TTN: variants seen among roughly 807,000 people sequenced by gnomAD.
The protein encoded by TTN is connectin.
Under a neutral mutation model 3,223.0 loss-of-function variants are expected in TTN, and 1,525 were observed. The observed-to-expected ratio is 0.47, with a 90% confidence interval of 0.45 to 0.49. TTN has a LOEUF of 0.49. Ranked by LOEUF, TTN falls within the 20% of genes least tolerant of loss-of-function variation. The probability of loss-of-function intolerance (pLI) is 0.00; values close to 1 mark genes in which losing one functional copy is unlikely to be tolerated. For missense variants in TTN, 40,786 were observed against 43,424.0 expected, an observed-to-expected ratio of 0.94 and a Z score of 5.40; for synonymous variants, 14,094 against 15,161.0, an observed-to-expected ratio of 0.93 and a Z score of 5.17.
chr2:178,782,166 G>A (rs377585081), intron 20 of TTN, 46 bp downstream of exon 20: 117 of 1,605,274 alleles, frequency 7.3e-5, no homozygotes, highest in Non-Finnish European at 6.4e-5. Context: ...CTTCATGCAC[G>A]TATTATACAA....
rs928844023 is a variant in TTN, at chr2:178,731,438, T to C, written c.17328A>G (p.Ile5776Met). 1.9e-6 allele frequency: 3 copies of C among 1,613,644 alleles called. No homozygotes were observed. The highest frequency in any genetic ancestry group is 2.5e-6 in the Non-Finnish European group (3 of 1,179,802). ...DSDEITEDDNIRMTFENNVAS... is the reference protein window; with the variant it reads ...DSDEITEDDNMRMTFENNVAS... ...CCACATTGTTCTCAAAGGTCATTCT[T>C]ATATTATCGTCTTCAGTGATTTCAT... The change falls in exon 59 of 363, where the codon ATA (isoleucine) becomes ATG (methionine). Residue 5776 changes from isoleucine (I) to methionine (M), a missense_variant. Physicochemically the swap from Ile to Met is conservative, Grantham distance 10. Transcript: ENST00000589042.
At chr2:178,783,391 G>C (rs552412397) in intron 17 of TTN, among the ~76,000 whole-genome samples, 1 of 152,046 alleles carries the variant, frequency 6.6e-6, no homozygotes, top group Non-Finnish European at 1.5e-5. Flanking sequence ...GCTTGTTTGT[G>C]TACATTTTCT....
chr2:178,694,608 C>G lies in TTN; in HGVS notation c.31417G>C (p.Glu10473Gln). 1 of 1,556,214 alleles carries G rather than the reference C, an allele frequency of 6.4e-7. No individual in the cohort carries two copies. The highest frequency in any genetic ancestry group is 8.7e-7 in the Non-Finnish European group (1 of 1,148,772). Reference protein sequence around the residue: ...SRTPVQEEVIEVKVPAVHTKK... With the variant: ...SRTPVQEEVIQVKVPAVHTKK... ...ACACAAAGATGTATACCTTTCACTT[C>G]AATAACTTCTTCCTGTACTGGAGTC... The change falls in exon 117 of 363, where the codon GAA (glutamate) becomes CAA (glutamine). Residue 10473 changes from glutamate to glutamine, a missense_variant. By Grantham distance (29) the Glu-to-Gln change is conservative (BLOSUM62 2). Coordinates refer to ENST00000589042, the MANE Select transcript of TTN (RefSeq NM_001267550.2).
Position 178,688,536 on chromosome 2 carries a change from A to G in TTN, c.32197+141T>C, listed in dbSNP as rs543240680. ...AGACTCAGTCCCAGAAGGCTACAAA[A>G]GGTAGACACATTCTAATACCAACAT... is the stretch of plus-strand genomic sequence containing the variant. On this transcript the variant is annotated intron_variant, in intron 126 of 362. Transcript: ENST00000589042. The G allele has an allele frequency of 1.0e-4, 68 of 676,868 alleles. No homozygotes were observed. In the African/African-American group the frequency reaches 1.2e-3, roughly 12 times the overall value. 41.9% of individuals were successfully genotyped at this position (676,868 alleles called of 1,614,324 possible). A position where few individuals can be genotyped will look rare whatever the true frequency, so the allele number is the denominator to read the frequency against.
Position 178,682,797 on chromosome 2 carries a change from T to C in TTN, c.32994A>G (p.Lys10998=). ...EYEEYEEYDY[K]EFEEYEPTEE... ...CTGTTGGTTCATACTCCTCAAATTC[T>C]TTATAATCATATTCTTCATATTCCT... The change falls in exon 135 of 363, where the codon AAA becomes AAG. Residue 10998 remains lysine, a synonymous_variant. Transcript: ENST00000589042. 1 of 1,613,016 alleles carries C rather than the reference T, an allele frequency of 6.2e-7. No homozygotes were observed. The highest frequency in any genetic ancestry group is 8.5e-7 in the Non-Finnish European group (1 of 1,179,270).
At chr2:178,781,297 TATC>T in intron 20 of TTN, 34 bp from the exon 21 acceptor site, 4 of 1,611,692 alleles carry the variant, frequency 2.5e-6, no homozygotes, top group Non-Finnish European at 3.4e-6. Flanking sequence ...AAAAATCAGT[TATC>T]AACAACTCTT....
intron 47 of TTN, chr2:178,742,795 A>G (rs1349127105): frequency 6.6e-6 from 1 of 152,060 alleles, no homozygotes; most frequent in East Asian, 1.9e-4. Context: ...TTATTGCCTT[A>G]GCAAAAGGCA....
Position 178,568,986 on chromosome 2 carries a change from A to AG in TTN, c.77145dup (p.Ser25716LeufsTer8), listed in dbSNP as rs1205409465. 2 of 1,613,292 alleles carry AG rather than the reference A, an allele frequency of 1.2e-6. No homozygotes were observed. Among genetic ancestry groups the AG allele is most frequent in the Non-Finnish European group, 1.7e-6 (2 of 1,179,552 alleles). ...TGTTCAGGTTTTGTCCAACTCAGAG[A>AG]GACACTGTTTCTGGTGACATCATCC... On this transcript the variant is annotated frameshift_variant, in exon 326 of 363. Coordinates refer to ENST00000589042, the MANE Select transcript of TTN (RefSeq NM_001267550.2). LOFTEE classifies it high-confidence loss of function.
At position 178,611,741 on chromosome 2, in the gene TTN, T is replaced by A. The variant is rs2056368086; in HGVS notation, c.50551+17A>T. 3.1e-6 allele frequency: 5 copies of A among 1,611,282 alleles called. No individual in the cohort carries two copies. The highest frequency in any genetic ancestry group is 4.2e-6 in the Non-Finnish European group (5 of 1,178,654). ...CAAGTTCTAGACAATATCTTGTGTA[T>A]AATCAGCACTACTTACTTGTTGGAT... On this transcript the variant is annotated intron_variant, in intron 268 of 362. Transcript: ENST00000589042.
At position 178,532,947 on chromosome 2, in the gene TTN, GTCT is replaced by G. The variant is rs759860918; in HGVS notation, c.103665_103667del (p.Glu34555del). The G allele has an allele frequency of 4.6e-5, 75 of 1,613,696 alleles. No homozygotes were observed. The highest frequency in any genetic ancestry group is 1.6e-4 in the Middle Eastern group (1 of 6,084). On this transcript the variant is annotated inframe_deletion, in exon 358 of 363. Coordinates refer to ENST00000589042, the MANE Select transcript of TTN (RefSeq NM_001267550.2). ...TGGGCACGAACTGCTTGATGCGTTGGTCTTCTTCTATGGTAGTCTGCTTATACT... is the reference window on the plus strand; with the variant it reads ...TGGGCACGAACTGCTTGATGCGTTGGTCTTCTATGGTAGTCTGCTTATACT...
chr2:178,609,711 G>A lies in TTN; in HGVS notation c.51712C>T (p.Pro17238Ser), dbSNP rs773035917. 5.1e-5 allele frequency: 82 copies of A among 1,603,414 alleles called. No individual in the cohort carries two copies. Among genetic ancestry groups the A allele is most frequent in the Non-Finnish European group, 6.0e-5 (70 of 1,173,144 alleles). The change falls in exon 272 of 363, where the codon CCT (proline) becomes TCT (serine). Residue 17238 changes from proline to serine, a missense_variant. Transcript: ENST00000589042. ...AGISEPSRAT[P>S]PTKAVDPIDA... is the part of the protein sequence containing the mutation. ...ATGGGATCTACAGCTTTGGTTGGAG[G>A]AGTAGCCCGAGAAGGTTCACTAATA...
chr2:178,734,196 G>A, intron 52 of TTN, 132 bp downstream of exon 52: 3 of 1,125,654 alleles, frequency 2.7e-6, no homozygotes, highest in Non-Finnish European at 3.6e-6. Context: ...TGTTCCCAAG[G>A]TCCCAGGTCA....
intron 3 of TTN, among the ~76,000 whole-genome samples, chr2:178,801,089 G>C (rs547498164): frequency 6.6e-6 from 1 of 152,206 alleles, no homozygotes; most frequent in Admixed American, 6.5e-5. Context: ...AATTCCAGTG[G>C]TTGCTACGAT....
chr2:178,741,057 C>T lies in TTN; in HGVS notation c.12176G>A (p.Gly4059Asp), dbSNP rs769869105. 7 of 1,613,908 alleles carry T rather than the reference C, an allele frequency of 4.3e-6. No individual in the cohort carries two copies. The highest frequency in any genetic ancestry group is 1.7e-5 in the Admixed American group (1 of 60,014). Residue 4059 changes from glycine (G) to aspartate (D), a missense_variant, in exon 48 of 363, where the codon GGT becomes GAT. Transcript: ENST00000589042. ...TGAGTCAAGTGCTTCAACTGCGGGA[C>T]CCTTTAAGGGTGTCTGTGGAAAATC... ...PEDFPQTPLK[G>D]PAVEALDSEQ...
Position 178,674,309 on chromosome 2 carries a change from T to C in TTN, c.34708+5A>G. 1 of 1,555,160 alleles carries C rather than the reference T, an allele frequency of 6.4e-7. No individual in the cohort carries two copies. Among genetic ancestry groups the C allele is most frequent in the Non-Finnish European group, 8.8e-7 (1 of 1,137,194 alleles). On this transcript the variant is annotated splice_donor_5th_base_variant and intron_variant, in intron 151 of 362. Transcript: ENST00000589042. ...TAAATGTTCAATCCTTAAAAGCGGTTATACCTCTAGGTGGTGCCACCTCTT... is the reference window on the plus strand; with the variant it reads ...TAAATGTTCAATCCTTAAAAGCGGTCATACCTCTAGGTGGTGCCACCTCTT...
At chr2:178,743,320 A>C (rs1433645399) in intron 47 of TTN, among the ~76,000 whole-genome samples, 5 of 152,006 alleles carry the variant, frequency 3.3e-5, no homozygotes, top group Admixed American at 6.6e-5. Context: ...CAATACAATA[A>C]ATTCTTTATC....
At chr2:178,723,820 G>C (rs568172701) in intron 73 of TTN, 36 bp downstream of exon 73, 2 of 1,564,216 alleles carry the variant, frequency 1.3e-6, no homozygotes, top group African/African-American at 1.4e-5. Flanking sequence ...AGAGGAATTT[G>C]TAAGAAATTC....
chr2:178,711,420 A>G, intron 96 of TTN, 71 bp from the exon 97 acceptor site: 1 of 1,395,482 alleles, frequency 7.2e-7, no homozygotes, highest in Non-Finnish European at 9.6e-7. Context: ...ATATATATAC[A>G]AACGCACGTA....
chr2:178,535,343 A>G lies in TTN; in HGVS notation c.101272T>C (p.Tyr33758His). The change falls in exon 358 of 363, where the codon TAC becomes CAC. Residue 33758 changes from tyrosine (Y) to histidine (H), a missense_variant. By Grantham distance (83) the Tyr-to-His change is moderately conservative (BLOSUM62 2). Transcript: ENST00000589042. ...TTTTCAGCTATTACCCGGAACTGGT[A>G]ACTTGTTTTTCCAAATAAGTTGATC... ...TVINLFGKTS[Y>H]QFRVIAENKF... 6.2e-7 allele frequency: 1 copy of G among 1,613,902 alleles called. No homozygotes were observed.
Sources: gnomAD v4.1 joint callset for allele counts (sites outside exome capture counted in the v4.1 genomes callset) on GRCh38, gnomAD v4.1.1 for gene constraint, MANE v1.5 for transcripts, NCBI Gene and HGNC (gene_info 2026-07-23, HGNC 2026-07-21) for gene names.